Variants in MICU3 observed in about 807,000 individuals in gnomAD.
The protein encoded by MICU3 is calcium uptake protein 3, mitochondrial.
In MICU3, 62 loss-of-function variants were observed where a neutral mutation model predicts 66.5. The ratio of observed to expected loss-of-function variants is 0.93; its 90% CI spans 0.76 to 1.15. The LOEUF is 1.15. Among genes scored for constraint, MICU3 ranks in the 50% most tolerant of loss-of-function variants. The pLI, the probability that MICU3 is intolerant of heterozygous loss-of-function variation, is 0.00. For synonymous variants in MICU3, 308 were observed against 240.7 expected (o/e 1.28, Z -2.59); for missense variants, 779 against 664.4 (o/e 1.17, Z -1.90).
intron 8 of MICU3, among the ~76,000 whole-genome samples, chr8:17,094,668 A>T (rs1030249457): frequency 6.6e-6 from 1 of 151,988 alleles, no homozygotes; most frequent in African/African-American, 2.4e-5. Context: ...TCTACCAGGT[A>T]CTGAAATCTG....
chr8:17,117,863 GC>G (rs1304679948), intron 13 of MICU3, among the ~76,000 whole-genome samples: 2 of 152,054 alleles, frequency 1.3e-5, no homozygotes, highest in African/African-American at 4.8e-5. Flanking sequence ...TCTTGCCTTG[GC>G]CTCCCAAGTG....
At chr8:17,119,951 A>G (rs1803066493) in intron 14 of MICU3, among the ~76,000 whole-genome samples, 1 of 152,136 alleles carries the variant, frequency 6.6e-6, no homozygotes, top group Admixed American at 6.6e-5. Flanking sequence ...AAATTCTTAA[A>G]CTAAACATTG....
intron 1 of MICU3, among the ~76,000 whole-genome samples, chr8:17,037,044 G>A (rs937688429): frequency 2.0e-4 from 30 of 152,354 alleles, no homozygotes; most frequent in African/African-American, 3.6e-4. Context: ...TACACCTTCC[G>A]CAGCCACTGG....
At chr8:17,070,131 G>A (rs1819331951) in intron 3 of MICU3, among the ~76,000 whole-genome samples, 1 of 151,822 alleles carries the variant, frequency 6.6e-6, no homozygotes, top group South Asian at 2.1e-4. Flanking sequence ...AAATACACTG[G>A]TATCTAGCAT....
downstream of MICU3, among the ~76,000 whole-genome samples, chr8:17,122,937 T>G (rs769331017): frequency 3.3e-5 from 5 of 152,074 alleles, no homozygotes; most frequent in Non-Finnish European, 7.4e-5. Flanking sequence ...GTATTAATTT[T>G]GTAGGTATCA....
intron 3 of MICU3, among the ~76,000 whole-genome samples, chr8:17,076,111 C>T (rs934158740): frequency 2.0e-5 from 3 of 152,038 alleles, no homozygotes; most frequent in Admixed American, 6.6e-5. Flanking sequence ...ACTATAGCCT[C>T]GACTTCCTGG....
intron 7 of MICU3, among the ~76,000 whole-genome samples, chr8:17,087,287 G>A (rs762344023): frequency 1.3e-5 from 2 of 151,840 alleles, no homozygotes; most frequent in Non-Finnish European, 2.9e-5. Context: ...TTATCTGTGA[G>A]ATTTGAAGGG....
chr8:17,066,519 A>ATATC (rs2150648926), intron 2 of MICU3, among the ~76,000 whole-genome samples: 1 of 47,156 alleles, frequency 2.1e-5, no homozygotes, highest in South Asian at 7.2e-4. Flanking sequence ...TTAATAATCT[A>ATATC]TATATATATA....
chr8:17,096,499 AGT>A (rs1800705556), intron 8 of MICU3, among the ~76,000 whole-genome samples: 3 of 151,904 alleles, frequency 2.0e-5, no homozygotes. Context: ...GGAATCAGTG[AGT>A]GTGCCAGGCA....
intron 3 of MICU3, among the ~76,000 whole-genome samples, chr8:17,075,754 T>C (rs1820294051): frequency 6.6e-6 from 1 of 152,146 alleles, no homozygotes; most frequent in South Asian, 2.1e-4. Flanking sequence ...GTGTTACTTA[T>C]CCACTTTAAG....
At chr8:17,132,432 G>A in the MICU3 span, 1 of 152,028 alleles carries the variant, frequency 6.6e-6, no homozygotes, top group African/African-American at 2.4e-5. Flanking sequence ...CTTTTATTTT[G>A]GTTTCTGTAC....
At chr8:17,042,915 G>T (rs1184262108) in intron 1 of MICU3, among the ~76,000 whole-genome samples, 1 of 138,382 alleles carries the variant, frequency 7.2e-6, no homozygotes, top group Non-Finnish European at 1.5e-5. Flanking sequence ...TAAACTGCTT[G>T]TAGCAATTCA....
chr8:17,051,590 G>A (rs148091900), intron 1 of MICU3, among the ~76,000 whole-genome samples: 2 of 152,266 alleles, frequency 1.3e-5, no homozygotes, highest in African/African-American at 4.8e-5. Flanking sequence ...AATACCCAGA[G>A]GGATAGGAGG....
chr8:17,103,169 GAGA>G (rs1329073225), intron 9 of MICU3, among the ~76,000 whole-genome samples: 3 of 151,656 alleles, frequency 2.0e-5, no homozygotes, highest in African/African-American at 7.3e-5. Flanking sequence ...ATCATTAAAA[GAGA>G]AGAAGATGTG....
chr8:17,049,429 G>A lies in MICU3; in HGVS notation c.382-14655G>A, dbSNP rs372814027. On this transcript the variant is annotated intron_variant, in intron 1 of 14. Coordinates refer to ENST00000318063, the MANE Select transcript of MICU3 (RefSeq NM_181723.3). ...CTAGTTAATAGTACATCAAGAGGTAGAGTCTCTTGATTCTGTGGGCCAAGG... is the reference window on the plus strand; with the variant it reads ...CTAGTTAATAGTACATCAAGAGGTAAAGTCTCTTGATTCTGTGGGCCAAGG... Among the ~76,000 whole-genome samples, 5 of 152,200 alleles carry A rather than the reference G, an allele frequency of 3.3e-5. No homozygotes were observed. The East Asian group carries it at 7.7e-4, about 23-fold the overall frequency.
chr8:17,075,783 A>C (rs775444231), intron 3 of MICU3, among the ~76,000 whole-genome samples: 21 of 152,028 alleles, frequency 1.4e-4, no homozygotes, highest in Non-Finnish European at 1.9e-4. Flanking sequence ...AAATATGCAT[A>C]ATGAGGATTG....
At chr8:17,040,611 A>G (rs1255397754) in intron 1 of MICU3, among the ~76,000 whole-genome samples, 1 of 152,206 alleles carries the variant, frequency 6.6e-6, no homozygotes, top group Non-Finnish European at 1.5e-5. Flanking sequence ...TGCAGAGATT[A>G]TATATTTTTA....
Position 17,027,608 on chromosome 8 carries a change from C to T in MICU3, c.329C>T (p.Pro110Leu). The T allele has an allele frequency of 1.5e-6, 2 of 1,309,666 alleles. No homozygotes were observed. The highest frequency in any genetic ancestry group is 4.5e-5 in the South Asian group (2 of 44,186). 81.1% of individuals were successfully genotyped at this position (1,309,666 alleles called of 1,614,324 possible). Residue 110 changes from proline to leucine, a missense_variant, in exon 1 of 15, where the codon CCG becomes CTG. Transcript: ENST00000318063. ...SKSAATEPED[P>L]PRGRGMLPIP... ...AGCGCGGCCACGGAGCCCGAGGACC[C>T]GCCCCGCGGCCGGGGGATGCTGCCC... is the stretch of plus-strand genomic sequence containing the variant.
chr8:17,054,738 C>CTTTTTTTTTTTTTTTTTTTT (rs559605289), intron 1 of MICU3, among the ~76,000 whole-genome samples: 4 of 122,768 alleles, frequency 3.3e-5, no homozygotes, highest in Admixed American at 8.8e-5. Context: ...TTCTTTCTTT[C>CTTTTTTTTTTTTTTTTTTTT]TTTTTTTTTT....
Sources: gnomAD v4.1 joint callset for allele counts (sites outside exome capture counted in the v4.1 genomes callset) on GRCh38, gnomAD v4.1.1 for gene constraint, MANE v1.5 for transcripts, NCBI Gene and HGNC (gene_info 2026-07-23, HGNC 2026-07-21) for gene names.